SREK1IP1: variants seen among roughly 807,000 people sequenced by gnomAD.
SREK1IP1 encodes SREK1 interacting protein 1.
A neutral mutation model predicts 22.8 loss-of-function variants in SREK1IP1; 12 were observed. The ratio of observed to expected loss-of-function variants is 0.53; its 90% CI spans 0.34 to 0.85. The LOEUF is 0.85. Among genes scored for constraint, SREK1IP1 ranks in the 40% least tolerant of loss-of-function variants. SREK1IP1 has a pLI of 0.02. For synonymous variants in SREK1IP1, 53 were observed against 52.7 expected (o/e 1.01, Z -0.02); for missense variants, 147 against 171.8 (o/e 0.86, Z 0.81).
chr5:64,763,977 A>G (rs1310941576), intron 1 of SREK1IP1, among the ~76,000 whole-genome samples: 1 of 152,212 alleles, frequency 6.6e-6, no homozygotes, highest in East Asian at 1.9e-4. Flanking sequence ...GAAGGTTAAC[A>G]TAACAGTGGT....
chr5:64,749,708 T>A (rs1047407323), intron 2 of SREK1IP1, among the ~76,000 whole-genome samples: 9 of 152,220 alleles, frequency 5.9e-5, no homozygotes, highest in African/African-American at 2.2e-4. Context: ...CCCAAAGTGC[T>A]AGGATTACAG....
intron 1 of SREK1IP1, among the ~76,000 whole-genome samples, chr5:64,757,451 C>A (rs1042918769): frequency 2.0e-5 from 3 of 152,102 alleles, no homozygotes; most frequent in Non-Finnish European, 2.9e-5. Flanking sequence ...TTTAAAAATG[C>A]AAGTATTGTT....
In SREK1IP1 at chr5:64,768,575, G is replaced by A. The variant is rs775470866; in HGVS notation, c.-58C>T. ...GCTTTCGAAAAGGCGCTTGCTTCCC[G>A]CCAGCTGTGAGAACAAGGCACAGTC... On this transcript the variant is annotated 5_prime_UTR_variant, in exon 1 of 5. Transcript: ENST00000513458. 14 of 1,612,898 alleles carry A rather than the reference G, an allele frequency of 8.7e-6. No homozygotes were observed. The highest frequency in any genetic ancestry group is 1.7e-4 in the Middle Eastern group (1 of 6,024).
Position 64,722,904 on chromosome 5 carries a change from A to C in SREK1IP1, c.*1480T>G, listed in dbSNP as rs1742196970. On this transcript the variant is annotated 3_prime_UTR_variant, in exon 5 of 5. Coordinates refer to ENST00000513458, the MANE Select transcript of SREK1IP1 (RefSeq NM_173829.4). ...ACATTGGGTGCCAGGTGAAACAAGA[A>C]TCAGTAAACCTTTCTAGCCTGTGAG... 6.6e-6 allele frequency: 1 copy of C among 152,198 alleles called. No individual in the cohort carries two copies. Among genetic ancestry groups the C allele is most frequent in the South Asian group, 2.1e-4 (1 of 4,828 alleles). 9.4% of individuals were successfully genotyped at this position (152,198 alleles called of 1,614,324 possible).
At position 64,721,528 on chromosome 5, in the gene SREK1IP1, GAAGA is replaced by G. The variant is rs1388941661; in HGVS notation, c.*2852_*2855del. ...GTAAATGGAGATGTATATTAAGTAT[GAAGA>G]AATAGGGATACCTCTGAGAAATATC... is the stretch of plus-strand genomic sequence containing the variant. On this transcript the variant is annotated 3_prime_UTR_variant, in exon 5 of 5. Transcript: ENST00000513458. The G allele has an allele frequency of 6.6e-6, 1 of 150,994 alleles. No individual in the cohort carries two copies. The highest frequency in any genetic ancestry group is 2.4e-5 in the African/African-American group (1 of 40,926). 9.4% of individuals were successfully genotyped at this position (150,994 alleles called of 1,614,324 possible).
chr5:64,763,662 T>C (rs1315695981), intron 1 of SREK1IP1, among the ~76,000 whole-genome samples: 1 of 152,260 alleles, frequency 6.6e-6, no homozygotes, highest in Non-Finnish European at 1.5e-5. Context: ...TTAGTACTAT[T>C]TCTGCTCAGC....
intron 1 of SREK1IP1, among the ~76,000 whole-genome samples, chr5:64,756,502 C>A (rs571687060): frequency 1.4e-4 from 22 of 152,286 alleles, no homozygotes; most frequent in Admixed American, 6.5e-4. Context: ...ATTTTATTCC[C>A]TTTTATGGCT....
At chr5:64,725,614 G>A (rs1468720402) in intron 4 of SREK1IP1, among the ~76,000 whole-genome samples, 1 of 152,114 alleles carries the variant, frequency 6.6e-6, no homozygotes, top group Admixed American at 6.5e-5. Context: ...CCTTATTTTT[G>A]TAATGTTGTG....
At chr5:64,766,720 G>A (rs1456950797) in intron 1 of SREK1IP1, among the ~76,000 whole-genome samples, 3 of 152,186 alleles carry the variant, frequency 2.0e-5, no homozygotes, top group African/African-American at 7.2e-5. Context: ...ACACAGTCTA[G>A]AGGAACCAGA....
At position 64,753,620 on chromosome 5, in the gene SREK1IP1, A is replaced by C. The variant is rs139245358; in HGVS notation, c.61+695T>G. Among the ~76,000 whole-genome samples the C allele has an allele frequency of 6.8e-3, 1,028 of 152,260 alleles. 4 individuals are homozygous for C. The highest frequency in any genetic ancestry group is 0.012 in the Non-Finnish European group (813 of 68,018). On this transcript the variant is annotated intron_variant, in intron 2 of 4. Transcript: ENST00000513458. ...AACATCTTTTTGTCAAATCATTCTTAGTTGGTAAAACTTAATAACTCTTCA... is the reference window on the plus strand; with the variant it reads ...AACATCTTTTTGTCAAATCATTCTTCGTTGGTAAAACTTAATAACTCTTCA...
In SREK1IP1 at chr5:64,730,790, A is replaced by G. The variant is rs186963430; in HGVS notation, c.206-2611T>C. Among the ~76,000 whole-genome samples, 609 of 152,300 alleles carry G rather than the reference A, an allele frequency of 4.0e-3. 2 individuals carry two copies. Among genetic ancestry groups the G allele is most frequent in the African/African-American group, 0.014 (567 of 41,556 alleles). ...AGATTAGGGATCATGAATTTATAGA[A>G]ACACCAGTCTGCCTCTTCACCTTTG... On this transcript the variant is annotated intron_variant, in intron 3 of 4. Coordinates refer to ENST00000513458, the MANE Select transcript of SREK1IP1 (RefSeq NM_173829.4).
intron 3 of SREK1IP1, among the ~76,000 whole-genome samples, chr5:64,735,262 T>G (rs1478694427): frequency 6.6e-6 from 1 of 152,076 alleles, no homozygotes; most frequent in African/African-American, 2.4e-5. Flanking sequence ...ATTATACTTT[T>G]TATATACTGC....
chr5:64,723,794 C>T lies in SREK1IP1; in HGVS notation c.*590G>A, dbSNP rs892065381. ...TTAGAGATATTTTCATGATCATCTA[C>T]CTGCAGACACCATTCATTTAAAAAG... On this transcript the variant is annotated 3_prime_UTR_variant, in exon 5 of 5. Transcript: ENST00000513458. The T allele has an allele frequency of 1.3e-5, 2 of 152,468 alleles. No homozygotes were observed. Among genetic ancestry groups the T allele is most frequent in the South Asian group, 4.2e-4 (2 of 4,810 alleles). 9.4% of individuals were successfully genotyped at this position (152,468 alleles called of 1,614,324 possible).
chr5:64,744,942 G>A (rs1346929706), intron 2 of SREK1IP1, among the ~76,000 whole-genome samples: 1 of 152,194 alleles, frequency 6.6e-6, no homozygotes, highest in Non-Finnish European at 1.5e-5. Flanking sequence ...CTTTCAGTGA[G>A]TGAAATTTTT....
intron 2 of SREK1IP1, among the ~76,000 whole-genome samples, chr5:64,743,044 T>A (rs1742576990): frequency 6.6e-6 from 1 of 152,174 alleles, no homozygotes; most frequent in Non-Finnish European, 1.5e-5. Flanking sequence ...GGGATCTGTA[T>A]GATATTAGTT....
At chr5:64,734,803 G>A (rs1302727854) in intron 3 of SREK1IP1, among the ~76,000 whole-genome samples, 1 of 151,950 alleles carries the variant, frequency 6.6e-6, no homozygotes, top group Non-Finnish European at 1.5e-5. Flanking sequence ...AGTTCTAGAA[G>A]CTTTTTTGAA....
At chr5:64,747,001 G>A (rs970570434) in intron 2 of SREK1IP1, among the ~76,000 whole-genome samples, 6 of 152,144 alleles carry the variant, frequency 3.9e-5, no homozygotes, top group Admixed American at 6.5e-5. Context: ...TATATAGCAC[G>A]GAACTCAGAA....
intron 1 of SREK1IP1, among the ~76,000 whole-genome samples, chr5:64,768,134 T>C (rs969082618): frequency 2.0e-5 from 3 of 152,208 alleles, no homozygotes; most frequent in Non-Finnish European, 4.4e-5. Flanking sequence ...TCCGGTTACC[T>C]GGGTCGGCCA....
chr5:64,766,382 A>G (rs982588429), intron 1 of SREK1IP1, among the ~76,000 whole-genome samples: 1 of 152,128 alleles, frequency 6.6e-6, no homozygotes, highest in African/African-American at 2.4e-5. Flanking sequence ...TCTTTTACCT[A>G]CCCACACTGA....
Sources: allele counts gnomAD v4.1 joint callset (sites outside exome capture counted in the v4.1 genomes callset), GRCh38; gene constraint gnomAD v4.1.1; transcripts MANE v1.5; gene names NCBI Gene and HGNC (gene_info 2026-07-23, HGNC 2026-07-21).